Variants in CELSR1 observed in about 807,000 individuals in gnomAD.
CELSR1 encodes the protein cadherin EGF LAG seven-pass G-type receptor 1.
Under a neutral mutation model 249.1 loss-of-function variants are expected in CELSR1, and 110 were observed. The ratio of observed to expected loss-of-function variants is 0.44; its 90% CI spans 0.38 to 0.52. The LOEUF (loss-of-function observed/expected upper bound fraction) is 0.52. Ranked by LOEUF, CELSR1 falls within the 20% of genes least tolerant of loss-of-function variation. The pLI is 0.00. For synonymous variants in CELSR1, 2,113 were observed against 1,900.0 expected, an observed-to-expected ratio of 1.11 and a Z score of -2.92; for missense variants, 4,109 against 4,296.4, an observed-to-expected ratio of 0.96 and a Z score of 1.22.
chr22:46,416,551 G>A (rs993114078), intron 5 of CELSR1, among the ~76,000 whole-genome samples: 6 of 152,190 alleles, frequency 3.9e-5, no homozygotes, highest in African/African-American at 7.2e-5. Flanking sequence ...ACCCCTCGGC[G>A]GGCAACCCTG....
At chr22:46,403,175 T>C (rs911050607) in intron 9 of CELSR1, among the ~76,000 whole-genome samples, 3 of 152,104 alleles carry the variant, frequency 2.0e-5, no homozygotes, top group Non-Finnish European at 4.4e-5. Context: ...CTAAGAGAAG[T>C]AATAGATAAA....
chr22:46,514,768 G>A (rs2080609650), intron 1 of CELSR1, among the ~76,000 whole-genome samples: 1 of 152,130 alleles, frequency 6.6e-6, no homozygotes, highest in Admixed American at 6.5e-5. Flanking sequence ...GCCCAGCCCT[G>A]TCCTGCCTCG....
At chr22:46,522,743 G>C (rs2080698537) in intron 1 of CELSR1, among the ~76,000 whole-genome samples, 1 of 152,184 alleles carries the variant, frequency 6.6e-6, no homozygotes, top group Non-Finnish European at 1.5e-5. Flanking sequence ...CCTACAGAAG[G>C]GTGAGAGGCA....
intron 5 of CELSR1, among the ~76,000 whole-genome samples, chr22:46,421,471 C>T (rs1234837600): frequency 2.0e-5 from 3 of 152,208 alleles, no homozygotes; most frequent in Non-Finnish European, 4.4e-5. Flanking sequence ...CGGCGCTTGC[C>T]TCCGAGAATC....
At position 46,535,073 on chromosome 22, in the gene CELSR1, C is replaced by T; in HGVS notation, c.2098G>A (p.Ala700Thr). Residue 700 changes from alanine (A) to threonine (T), a missense_variant, in exon 1 of 35, where the codon GCG becomes ACG. By Grantham distance (58) the Ala-to-Thr change is moderately conservative. Around this residue, in one of 7 missense-constraint regions of CELSR1, gnomAD observed 886 missense variants for 896.5 expected, o/e 0.99. Transcript: ENST00000674500. The part of the protein sequence containing the change: ...PTYELRLNED[A>T]AVGSSVLTLQ... ...GTCAGCACGCTGCTCCCCACGGCCGCATCCTCATTCAGACGAAGCTCGTAG... is the reference window on the plus strand; with the variant it reads ...GTCAGCACGCTGCTCCCCACGGCCGTATCCTCATTCAGACGAAGCTCGTAG... 6 of 1,612,476 alleles carry T rather than the reference C, an allele frequency of 3.7e-6. No individual in the cohort carries two copies. Among genetic ancestry groups the T allele is most frequent in the Non-Finnish European group, 5.1e-6 (6 of 1,179,986 alleles).
chr22:46,489,594 G>C (rs764657465), intron 1 of CELSR1, among the ~76,000 whole-genome samples: 2 of 152,016 alleles, frequency 1.3e-5, no homozygotes, highest in Non-Finnish European at 2.9e-5. Context: ...CAGCTCCTGG[G>C]GGCAGCTCAG....
intron 18 of CELSR1, among the ~76,000 whole-genome samples, 170 bp from the exon 19 acceptor site, chr22:46,386,755 T>G (rs138289244): frequency 0.012 from 1,887 of 151,882 alleles, 42 homozygotes; most frequent in African/African-American, 0.044. Context: ...TTTTGTTGTT[T>G]TTTGTGTTTT....
rs745729101 is a variant in CELSR1, at chr22:46,411,678, T to G, written c.4693A>C (p.Thr1565Pro). Residue 1565 changes from threonine to proline, a missense_variant, in exon 6 of 35, where the codon ACC becomes CCC. Thr to Pro is a conservative substitution (Grantham distance 38, BLOSUM62 -1). Transcript: ENST00000674500. The surrounding 1 kb of genome is among the most constrained non-coding windows in gnomAD (Gnocchi z 4.2). ...TCCTTTCCAAAGCGCACAGCCATGG[T>G]TGTGTCACAATCATCCACTGTCACC... ...AVVTVDDCDT[T>P]MAVRFGKDIG... is the part of the protein sequence containing the mutation. The G allele has an allele frequency of 1.2e-6, 2 of 1,614,098 alleles. No individual in the cohort carries two copies. Among genetic ancestry groups the G allele is most frequent in the Non-Finnish European group, 1.7e-6 (2 of 1,180,054 alleles).
intron 1 of CELSR1, among the ~76,000 whole-genome samples, chr22:46,522,388 G>A (rs2080695158): frequency 6.6e-6 from 1 of 152,270 alleles, no homozygotes; most frequent in East Asian, 1.9e-4. Flanking sequence ...CAGGATTATA[G>A]GCTGGAGCCC....
chr22:46,424,046 C>A (rs2079510269), intron 5 of CELSR1, among the ~76,000 whole-genome samples: 1 of 151,836 alleles, frequency 6.6e-6, no homozygotes, highest in East Asian at 1.9e-4. Flanking sequence ...ATGTATATAC[C>A]AGCAAACATT....
In CELSR1 at chr22:46,464,216, G is replaced by T. The variant is rs2080070642; in HGVS notation, c.3674C>A (p.Ala1225Asp). 6.2e-7 allele frequency: 1 copy of T among 1,613,658 alleles called. No homozygotes were observed. The highest frequency in any genetic ancestry group is 1.1e-5 in the South Asian group (1 of 91,084). The part of the protein sequence containing the change: ...SQEKFLSPLL[A>D]LFVEGVAAVL... Reference sequence around the variant, plus strand: ...GGCGGCCACCCCCTCCACGAAGAGGGCCAGCAGCGGGGACAGGAACTTCTC... The same window carrying T: ...GGCGGCCACCCCCTCCACGAAGAGGTCCAGCAGCGGGGACAGGAACTTCTC... The change falls in exon 2 of 35, where the codon GCC (alanine) becomes GAC (aspartate). Residue 1225 changes from alanine to aspartate, a missense_variant. Physicochemically the swap from Ala to Asp is moderately radical, Grantham distance 126 (BLOSUM62 -2). Coordinates refer to ENST00000674500, the MANE Select transcript of CELSR1 (RefSeq NM_001378328.1). The surrounding 1 kb of genome is among the most constrained non-coding windows in gnomAD (Gnocchi z 8.5).
At chr22:46,376,869 G>A (rs1285017203) in intron 24 of CELSR1, among the ~76,000 whole-genome samples, 192 bp downstream of exon 24, 1 of 152,056 alleles carries the variant, frequency 6.6e-6, no homozygotes, top group Non-Finnish European at 1.5e-5. Context: ...CAAAGTGCTT[G>A]GGCCTGCCAG....
chr22:46,413,440 A>T lies in CELSR1; in HGVS notation c.4612-1681T>A, dbSNP rs532133588. ...CTCCTCCCTCTTATCCAATCATCTAACGTGAGTGAGACCCATGACTGTACC... is the reference window on the plus strand; with the variant it reads ...CTCCTCCCTCTTATCCAATCATCTATCGTGAGTGAGACCCATGACTGTACC... On this transcript the variant is annotated intron_variant, in intron 5 of 34. Transcript: ENST00000674500. This position sits in a 1 kb window ranked among gnomAD's most constrained non-coding sequence, Gnocchi z 4.7. Among the ~76,000 whole-genome samples, 5 of 152,256 alleles carry T rather than the reference A, an allele frequency of 3.3e-5. No homozygotes were observed. In the East Asian group the frequency reaches 9.7e-4, roughly 29 times the overall value.
At chr22:46,421,902 C>T (rs1483021184) in intron 5 of CELSR1, among the ~76,000 whole-genome samples, 1 of 152,220 alleles carries the variant, frequency 6.6e-6, no homozygotes, top group Non-Finnish European at 1.5e-5. Flanking sequence ...ACCTGGGGAG[C>T]ATCCCCATCC....
chr22:46,515,042 C>T (rs1013975498), intron 1 of CELSR1, among the ~76,000 whole-genome samples: 5 of 152,196 alleles, frequency 3.3e-5, no homozygotes, highest in Admixed American at 2.6e-4. Flanking sequence ...TAGAAAGCAC[C>T]CCCAGCACCC....
Position 46,428,191 on chromosome 22 carries a change from C to A in CELSR1, c.4611+5202G>T, listed in dbSNP as rs1006244903. Among the ~76,000 whole-genome samples the A allele has an allele frequency of 5.9e-5, 9 of 152,214 alleles. 1 individual carries two copies. Among genetic ancestry groups the A allele is most frequent in the Non-Finnish European group, 1.3e-4 (9 of 68,040 alleles). On this transcript the variant is annotated intron_variant, in intron 5 of 34. Coordinates refer to ENST00000674500, the MANE Select transcript of CELSR1 (RefSeq NM_001378328.1). The surrounding 1 kb of genome is among the most constrained non-coding windows in gnomAD (Gnocchi z 5.7). ...GCCTCATGCTGTCTTTATAAAAGCA[C>A]TTTCCGCAGCATGCCAAAGACAGCC...
At chr22:46,364,841 A>G in intron 32 of CELSR1, 105 bp from the exon 33 acceptor site, 1 of 1,134,212 alleles carries the variant, frequency 8.8e-7, no homozygotes, top group Non-Finnish European at 1.2e-6. Flanking sequence ...CCCAACCTGC[A>G]GGCCTGGTAG....
chr22:46,418,486 G>GAATA (rs139305673), intron 5 of CELSR1, among the ~76,000 whole-genome samples: 7 of 151,898 alleles, frequency 4.6e-5, no homozygotes, highest in African/African-American at 1.2e-4. Context: ...TTCCGCCTCA[G>GAATA]AATAAATAAA....
At position 46,534,789 on chromosome 22, in the gene CELSR1, G is replaced by T; in HGVS notation, c.2382C>A (p.Tyr794Ter). 2 of 1,613,260 alleles carry T rather than the reference G, an allele frequency of 1.2e-6. No homozygotes were observed. The highest frequency in any genetic ancestry group is 1.7e-6 in the Non-Finnish European group (2 of 1,180,028). Residue 794 changes from tyrosine (Y) to a stop codon, truncating the protein, a stop_gained, in exon 1 of 35, where the codon TAC becomes TAA. Coordinates refer to ENST00000674500, the MANE Select transcript of CELSR1 (RefSeq NM_001378328.1). LOFTEE classifies it high-confidence loss of function. The surrounding 1 kb of genome is among the most constrained non-coding windows in gnomAD (Gnocchi z 9.7). The stretch of plus-strand genomic sequence containing the variant: ...GCCTGTCCTCACTGACACTCACTGT[G>T]TAATGGGAGCTCTGAAAGACAGGCC... ...THRPVFQSSH[Y>*]TVSVSEDRPV...
Sources: allele counts gnomAD v4.1 joint callset (sites outside exome capture counted in the v4.1 genomes callset), GRCh38; gene constraint gnomAD v4.1.1; regional missense constraint gnomAD v4.1.1; non-coding constraint Gnocchi (gnomAD v3.1); transcripts MANE v1.5; gene names NCBI Gene and HGNC (gene_info 2026-07-23, HGNC 2026-07-21).